Variants in UTRN observed in about 807,000 individuals in gnomAD.
The protein encoded by UTRN is utrophin.
UTRN carries 283 observed loss-of-function variants against 463.9 expected under a neutral mutation model. The ratio of observed to expected loss-of-function variants is 0.61; its 90% CI spans 0.55 to 0.67. The LOEUF (loss-of-function observed/expected upper bound fraction) is 0.67. UTRN is among the 30% of genes least tolerant of loss of function. The pLI, the probability that UTRN is intolerant of heterozygous loss-of-function variation, is 0.00. For missense variants in UTRN, 3,922 were observed against 4,084.3 expected, an observed-to-expected ratio of 0.96 and a Z score of 1.08; for synonymous variants, 1,442 against 1,431.5, an observed-to-expected ratio of 1.01 and a Z score of -0.17.
chr6:144,662,857 G>A (rs1334428005), intron 51 of UTRN, among the ~76,000 whole-genome samples: 3 of 152,144 alleles, frequency 2.0e-5, no homozygotes, highest in Admixed American at 6.6e-5. Flanking sequence ...GGATATTTTA[G>A]TTGATATTTT....
At chr6:144,384,573 C>T (rs1203985522) in intron 2 of UTRN, among the ~76,000 whole-genome samples, 1 of 152,032 alleles carries the variant, frequency 6.6e-6, no homozygotes, top group Non-Finnish European at 1.5e-5. Context: ...AACAACAACT[C>T]CTCACTCCTC....
intron 3 of UTRN, among the ~76,000 whole-genome samples, chr6:144,407,214 A>G (rs1783498668): frequency 6.6e-6 from 1 of 152,134 alleles, no homozygotes; most frequent in Non-Finnish European, 1.5e-5. Flanking sequence ...GCTTATTGGC[A>G]TATCTTTTGG....
intron 53 of UTRN, among the ~76,000 whole-genome samples, chr6:144,724,968 G>A (rs1029769337): frequency 7.9e-5 from 12 of 152,060 alleles, no homozygotes; most frequent in Non-Finnish European, 1.8e-4. Context: ...AGAATTGCTG[G>A]GTCATGTTGA....
chr6:144,464,668 G>A (rs1789751571), intron 23 of UTRN, among the ~76,000 whole-genome samples: 1 of 151,868 alleles, frequency 6.6e-6, no homozygotes, highest in Non-Finnish European at 1.5e-5. Flanking sequence ...GCCCGGCTAA[G>A]GTTTTATTTT....
intron 2 of UTRN, among the ~76,000 whole-genome samples, chr6:144,344,550 G>T (rs1227822024): frequency 1.3e-5 from 2 of 152,166 alleles, no homozygotes; most frequent in Admixed American, 6.5e-5. Context: ...AGTTTCTTTG[G>T]AAGAAGCCTT....
At chr6:144,553,840 C>T (rs552610255) in intron 48 of UTRN, among the ~76,000 whole-genome samples, 21 of 146,828 alleles carry the variant, frequency 1.4e-4, no homozygotes, top group African/African-American at 3.5e-4. Flanking sequence ...TACCTGGGGG[C>T]GGAGGTTGCA....
chr6:144,801,206 G>A (rs73779139), intron 64 of UTRN, among the ~76,000 whole-genome samples: 4,705 of 151,924 alleles, frequency 0.031, 234 homozygotes, highest in African/African-American at 0.11. Flanking sequence ...TTTGTATTTC[G>A]AATGAGAGAG....
chr6:144,777,824 T>C (rs1199008038), intron 60 of UTRN, among the ~76,000 whole-genome samples: 1 of 152,162 alleles, frequency 6.6e-6, no homozygotes, highest in Middle Eastern at 3.2e-3. Flanking sequence ...GAAGGAGTTA[T>C]CTGTGTGAGA....
At chr6:144,835,708 C>T (rs1022087537) in intron 69 of UTRN, 72 bp from the exon 70 acceptor site, 89 of 1,584,002 alleles carry the variant, frequency 5.6e-5, no homozygotes, top group Non-Finnish European at 7.3e-5. Flanking sequence ...ATCATTATTT[C>T]TACTTCCTTT....
At chr6:144,606,721 A>G (rs553231628) in intron 51 of UTRN, among the ~76,000 whole-genome samples, 8 of 152,352 alleles carry the variant, frequency 5.3e-5, no homozygotes, top group Admixed American at 1.3e-4. Flanking sequence ...GAAATTCTCC[A>G]TAACCTGCAA....
intron 65 of UTRN, among the ~76,000 whole-genome samples, chr6:144,805,758 C>T (rs563754565): frequency 6.6e-6 from 1 of 152,198 alleles, no homozygotes; most frequent in South Asian, 2.1e-4. Flanking sequence ...GTTCAAAGCC[C>T]TTCTGATTGT....
At chr6:144,358,254 A>G (rs926656850) in intron 2 of UTRN, among the ~76,000 whole-genome samples, 3 of 152,248 alleles carry the variant, frequency 2.0e-5, no homozygotes, top group African/African-American at 7.2e-5. Context: ...TTAAATTACC[A>G]TATATATTAA....
intron 48 of UTRN, 54 bp downstream of exon 48, chr6:144,551,136 G>C: frequency 4.7e-6 from 3 of 634,484 alleles, no homozygotes; most frequent in Non-Finnish European, 7.4e-6. Flanking sequence ...TGCAAATGGT[G>C]ACACACACAC....
chr6:144,840,799 G>C lies in UTRN; in HGVS notation c.10237G>C (p.Glu3413Gln). The stretch of plus-strand genomic sequence containing the variant: ...CAGCACGGATCTCACGGAGGTCATG[G>C]AGCAGATTCACAGCACGTTTCCATC... ...DTSTDLTEVM[E>Q]QIHSTFPSCC... Residue 3413 changes from glutamate (E) to glutamine (Q), a missense_variant, in exon 73 of 75, where the codon GAG becomes CAG. Physicochemically the swap from Glu to Gln is conservative, Grantham distance 29. Transcript: ENST00000367545. 1 of 1,614,040 alleles carries C rather than the reference G, an allele frequency of 6.2e-7. No homozygotes were observed. The highest frequency in any genetic ancestry group is 1.6e-4 in the Middle Eastern group (1 of 6,062).
chr6:144,338,922 CT>C (rs35058587), intron 2 of UTRN, among the ~76,000 whole-genome samples: 1 of 152,180 alleles, frequency 6.6e-6, no homozygotes, highest in South Asian at 2.1e-4. Flanking sequence ...AGCTGGGACT[CT>C]TTTAAAGTCC....
chr6:144,742,498 G>A (rs145236988), intron 54 of UTRN, among the ~76,000 whole-genome samples: 2 of 152,142 alleles, frequency 1.3e-5, no homozygotes, highest in Non-Finnish European at 2.9e-5. Context: ...AAATAGGAGG[G>A]GGGTAAAGAG....
chr6:144,488,832 C>G lies in UTRN; in HGVS notation c.4132C>G (p.Gln1378Glu), dbSNP rs763332201. The G allele has an allele frequency of 1.3e-5, 21 of 1,590,648 alleles. No individual in the cohort carries two copies. Among genetic ancestry groups the G allele is most frequent in the Non-Finnish European group, 1.7e-5 (20 of 1,165,996 alleles). The change falls in exon 30 of 75, where the codon CAG (glutamine) becomes GAG (glutamate). Residue 1378 changes from glutamine to glutamate, a missense_variant and splice_region_variant. By Grantham distance (29) the Gln-to-Glu change is conservative. Around this residue, in one of 3 missense-constraint regions of UTRN, gnomAD observed 2,349 missense variants for 2,303.8 expected, o/e 1.02. Transcript: ENST00000367545. ...TGCTTTCCAAGTTCCACAGGAAGCT[C>G]AGGTATTGCCGTGCATTTGAGGGCT... The part of the protein sequence containing the change: ...IDAFQVPQEA[Q>E]KIQAEISAHE...
intron 54 of UTRN, among the ~76,000 whole-genome samples, chr6:144,738,458 G>C (rs1298303109): frequency 6.6e-6 from 1 of 152,118 alleles, no homozygotes; most frequent in Non-Finnish European, 1.5e-5. Context: ...AGTCAGATCT[G>C]CACAGGGGAG....
At chr6:144,699,556 A>G (rs1489732959) in intron 52 of UTRN, among the ~76,000 whole-genome samples, 2 of 141,044 alleles carry the variant, frequency 1.4e-5, no homozygotes, top group African/African-American at 5.2e-5. Flanking sequence ...AAAAATAGCT[A>G]AAATTAGGTA....
Sources: gnomAD v4.1 joint callset for allele counts (sites outside exome capture counted in the v4.1 genomes callset) on GRCh38, gnomAD v4.1.1 for gene constraint, gnomAD v4.1.1 regional missense constraint, MANE v1.5 for transcripts, NCBI Gene and HGNC (gene_info 2026-07-23, HGNC 2026-07-21) for gene names.